Variants in NTN1 observed in about 807,000 individuals in gnomAD.
NTN1 encodes netrin-1.
In NTN1, 11 loss-of-function variants were observed where a neutral mutation model predicts 54.2. The observed-to-expected ratio is 0.20, with a 90% CI of 0.13 to 0.34. The LOEUF (loss-of-function observed/expected upper bound fraction) is 0.34, where lower values mean the gene tolerates loss of function less well. NTN1 is among the 10% of genes least tolerant of loss of function. The pLI is 1.00. For missense variants in NTN1, 740 were observed against 893.1 expected, an observed-to-expected ratio of 0.83 and a Z score of 2.18; for synonymous variants, 371 against 382.0, an observed-to-expected ratio of 0.97 and a Z score of 0.33.
chr17:9,115,135 T>TTGAG (rs1171184736), intron 2 of NTN1, among the ~76,000 whole-genome samples: 1 of 152,252 alleles, frequency 6.6e-6, no homozygotes, highest in African/African-American at 2.4e-5. Flanking sequence ...TCCCCTCTCC[T>TTGAG]TCTGCCTCAG....
At position 9,195,818 on chromosome 17, in the gene NTN1, C is replaced by T. The variant is rs886642294; in HGVS notation, c.1411+12849C>T. On this transcript the variant is annotated intron_variant, in intron 5 of 6. Coordinates refer to ENST00000173229, the MANE Select transcript of NTN1 (RefSeq NM_004822.3). ...GCCCCCCTCCAGCCCCAGAGCAGGA[C>T]CCACAGTGGTCCCTCTAATTACTTA... 2.0e-5 allele frequency among the ~76,000 whole-genome samples: 3 copies of T among 152,266 alleles called. No individual in the cohort carries two copies. The South Asian group carries it at 6.2e-4, about 32-fold the overall frequency.
At chr17:9,144,082 G>A (rs576047109) in intron 2 of NTN1, among the ~76,000 whole-genome samples, 53 of 152,154 alleles carry the variant, frequency 3.5e-4, no homozygotes, top group African/African-American at 1.3e-3. Context: ...TTTTAGTAGA[G>A]ACAGGGTTTC....
chr17:9,023,235 A>C lies in NTN1; in HGVS notation c.862A>C (p.Asn288His). The C allele has an allele frequency of 6.4e-7, 1 of 1,568,442 alleles. No homozygotes were observed. The highest frequency in any genetic ancestry group is 8.6e-7 in the Non-Finnish European group (1 of 1,156,914). ...GCAGGTGGGCGGCCGGTGCAAGTGC[A>C]ACGGCCACGCGGCCCGCTGCGTGCG... Reference protein sequence around the residue: ...DLQVGGRCKCNGHAARCVRDR... With the variant: ...DLQVGGRCKCHGHAARCVRDR... Residue 288 changes from asparagine (N) to histidine (H), a missense_variant, in exon 2 of 7, where the codon AAC becomes CAC. By Grantham distance (68) the Asn-to-His change is moderately conservative. Coordinates refer to ENST00000173229, the MANE Select transcript of NTN1 (RefSeq NM_004822.3).
At chr17:9,087,776 G>A (rs1186150320) in intron 2 of NTN1, among the ~76,000 whole-genome samples, 3 of 152,232 alleles carry the variant, frequency 2.0e-5, no homozygotes, top group Admixed American at 2.0e-4. Context: ...GATTTGCCCA[G>A]TAGCTTTCAC....
intron 2 of NTN1, among the ~76,000 whole-genome samples, chr17:9,092,563 T>G (rs2092115188): frequency 6.6e-6 from 1 of 152,060 alleles, no homozygotes; most frequent in Non-Finnish European, 1.5e-5. Flanking sequence ...ATGTTGGGAT[T>G]ACAGGTGTGA....
At chr17:9,094,048 C>T (rs1054966725) in intron 2 of NTN1, among the ~76,000 whole-genome samples, 14 of 152,174 alleles carry the variant, frequency 9.2e-5, no homozygotes, top group Non-Finnish European at 2.1e-4. Flanking sequence ...TTCTAGTATA[C>T]ATACTATTTA....
rs576791169 is a variant in NTN1 at position 9,243,758 on chromosome 17, A to C, written c.*3790A>C. 6.6e-6 allele frequency: 1 copy of C among 152,162 alleles called. No homozygotes were observed. Among genetic ancestry groups the C allele is most frequent in the South Asian group, 2.1e-4 (1 of 4,808 alleles). 9.4% of individuals were successfully genotyped at this position (152,162 alleles called of 1,614,324 possible). On this transcript the variant is annotated 3_prime_UTR_variant, in exon 7 of 7. Transcript: ENST00000173229. Reference sequence around the variant, plus strand: ...TGTTCACTCAGAATTGTAAATGTTTAGTTGTGACCATGACGTATTGTTTGG... The same window carrying C: ...TGTTCACTCAGAATTGTAAATGTTTCGTTGTGACCATGACGTATTGTTTGG...
chr17:9,008,355 G>T, the NTN1 span, among the ~76,000 whole-genome samples: 3 of 151,988 alleles, frequency 2.0e-5, no homozygotes, highest in Admixed American at 6.6e-5. Flanking sequence ...GTCCCACTCT[G>T]TCCCCCAGGC....
intron 5 of NTN1, among the ~76,000 whole-genome samples, chr17:9,201,160 T>TAGCA (rs1158434496): frequency 6.6e-6 from 1 of 152,226 alleles, no homozygotes; most frequent in African/African-American, 2.4e-5. Flanking sequence ...AGGAGGCTGC[T>TAGCA]GGCAGGTGTT....
intron 6 of NTN1, among the ~76,000 whole-genome samples, chr17:9,232,240 G>A (rs1374714820): frequency 2.0e-5 from 3 of 152,192 alleles, no homozygotes; most frequent in Admixed American, 2.0e-4. Flanking sequence ...CTGCTGTGCT[G>A]GAGGCAGCAG....
chr17:9,003,758 G>A, the NTN1 span, among the ~76,000 whole-genome samples: 32 of 152,338 alleles, frequency 2.1e-4, no homozygotes, highest in East Asian at 6.0e-3. This position sits in a 1 kb window ranked among gnomAD's most constrained non-coding sequence, Gnocchi z 7.4. Context: ...AATGGTCAGC[G>A]GGCTGGATAA....
intron 2 of NTN1, among the ~76,000 whole-genome samples, chr17:9,151,516 C>T (rs1441173149): frequency 6.6e-6 from 1 of 152,200 alleles, no homozygotes; most frequent in Non-Finnish European, 1.5e-5. Flanking sequence ...CCTTGATCCA[C>T]CCCTCTTCCA....
chr17:9,020,036 C>T (rs1454067822), upstream of NTN1, among the ~76,000 whole-genome samples: 2 of 152,214 alleles, frequency 1.3e-5, no homozygotes, highest in African/African-American at 2.4e-5. Flanking sequence ...GGTGAGCTCC[C>T]ATCCCTGGAA....
At chr17:9,051,475 A>G (rs1009534672) in intron 2 of NTN1, among the ~76,000 whole-genome samples, 3 of 151,900 alleles carry the variant, frequency 2.0e-5, no homozygotes, top group Non-Finnish European at 1.5e-5. Context: ...TTCAATTCCA[A>G]CCCCTCTCCA....
chr17:9,027,980 C>T (rs952579144), intron 2 of NTN1, among the ~76,000 whole-genome samples: 2 of 152,092 alleles, frequency 1.3e-5, no homozygotes, highest in Non-Finnish European at 2.9e-5. Context: ...AAAAAATTAG[C>T]TGGGCATAGT....
the NTN1 span, among the ~76,000 whole-genome samples, chr17:9,010,149 G>T: frequency 6.6e-6 from 1 of 152,160 alleles, no homozygotes; most frequent in Non-Finnish European, 1.5e-5. Context: ...TGTCCCCAAG[G>T]ATCTTAAGCT....
intron 2 of NTN1, among the ~76,000 whole-genome samples, chr17:9,098,484 A>G (rs985713997): frequency 6.6e-6 from 1 of 152,228 alleles, no homozygotes; most frequent in Admixed American, 6.5e-5. Context: ...TCATTGCAGC[A>G]TATCTGGCCT....
chr17:9,200,206 G>A (rs1046803406), intron 5 of NTN1, among the ~76,000 whole-genome samples: 11 of 152,194 alleles, frequency 7.2e-5, no homozygotes, highest in African/African-American at 2.2e-4. Context: ...GTTGGCTCTC[G>A]CTGGAGAAGC....
intron 2 of NTN1, among the ~76,000 whole-genome samples, chr17:9,139,930 C>T (rs2092292620): frequency 6.8e-6 from 1 of 146,884 alleles, no homozygotes; most frequent in Middle Eastern, 3.2e-3. Context: ...ATCCATCATC[C>T]ATCCATCCAT....
Sources: allele counts gnomAD v4.1 joint callset (sites outside exome capture counted in the v4.1 genomes callset), GRCh38; gene constraint gnomAD v4.1.1; non-coding constraint Gnocchi (gnomAD v3.1); transcripts MANE v1.5; gene names NCBI Gene and HGNC (gene_info 2026-07-23, HGNC 2026-07-21).